TENT5C: variants seen among roughly 807,000 people sequenced by gnomAD.
TENT5C encodes the protein terminal nucleotidyltransferase 5C, also known as family with sequence similarity 46 member C.
Under a neutral mutation model 22.2 loss-of-function variants are expected in TENT5C, and 5 were observed. That is an observed-to-expected ratio of 0.22 (90% CI 0.12 to 0.47). The LOEUF (loss-of-function observed/expected upper bound fraction) is 0.47. Ranked by LOEUF, TENT5C falls within the 20% of genes least tolerant of loss-of-function variation. The pLI is 0.99. For synonymous variants in TENT5C, 199 were observed against 195.4 expected (o/e 1.02, Z -0.15); for missense variants, 364 against 500.9 (o/e 0.73, Z 2.61).
intron 1 of TENT5C, 135 bp from the exon 2 acceptor site, chr1:117,622,707 G>A: frequency 3.1e-6 from 2 of 640,536 alleles, no homozygotes; most frequent in East Asian, 2.8e-5. Flanking sequence ...GAGTCCTCAT[G>A]GCAACACTGA....
chr1:117,619,029 G>A lies in TENT5C; in HGVS notation c.-27-3813G>A, dbSNP rs536567155. Among the ~76,000 whole-genome samples the A allele has an allele frequency of 1.3e-4, 20 of 152,278 alleles. 1 individual carries two copies. In the South Asian group the frequency reaches 4.1e-3, roughly 32 times the overall value. ...CTCAAATCTGTAGGAACAACTGCAT[G>A]CGTTTCTGTATTGTTTTATACACAC... On this transcript the variant is annotated intron_variant, in intron 1 of 1. Transcript: ENST00000369448.
rs2101081413 is a variant in TENT5C, at chr1:117,625,256, G to A, written c.*1212G>A. 4.0e-6 allele frequency: 1 copy of A among 248,110 alleles called. No individual in the cohort carries two copies. Among genetic ancestry groups the A allele is most frequent in the Middle Eastern group, 1.3e-3 (1 of 788 alleles). The allele number at this position is 248,110 out of a possible 1,614,324, so 15.4% of individuals were successfully genotyped here. On this transcript the variant is annotated 3_prime_UTR_variant, in exon 2 of 2. Coordinates refer to ENST00000369448, the MANE Select transcript of TENT5C (RefSeq NM_017709.4). ...GCTCTGTGTGAAGGGGAAGCTGGGG[G>A]GTTAGCATGAAGTCTGGCCTTGTGT...
At chr1:117,612,584 G>A (rs1653693237) in intron 1 of TENT5C, among the ~76,000 whole-genome samples, 2 of 152,158 alleles carry the variant, frequency 1.3e-5, no homozygotes, top group Non-Finnish European at 2.9e-5. Context: ...CGCTAAACAT[G>A]AGCTGCTGCT....
At chr1:117,617,072 C>T (rs180761435) in intron 1 of TENT5C, among the ~76,000 whole-genome samples, 14 of 152,318 alleles carry the variant, frequency 9.2e-5, no homozygotes, top group Admixed American at 4.6e-4. Flanking sequence ...CTCACAGTTA[C>T]CTCCCCTCCA....
intron 1 of TENT5C, among the ~76,000 whole-genome samples, chr1:117,618,338 T>C (rs1157224366): frequency 6.6e-6 from 1 of 152,092 alleles, no homozygotes; most frequent in Non-Finnish European, 1.5e-5. Flanking sequence ...AAAAATTTCT[T>C]TTGGTTAACA....
At chr1:117,606,940 C>G (rs1345769867) in intron 1 of TENT5C, among the ~76,000 whole-genome samples, 1 of 152,184 alleles carries the variant, frequency 6.6e-6, no homozygotes, top group Non-Finnish European at 1.5e-5. Context: ...ATGAAACTTG[C>G]TTTACTGCGT....
chr1:117,611,022 C>T (rs886302892), intron 1 of TENT5C, among the ~76,000 whole-genome samples: 2 of 152,200 alleles, frequency 1.3e-5, no homozygotes, highest in Non-Finnish European at 2.9e-5. Flanking sequence ...ACTTGTTTAG[C>T]CCTTATGAAG....
At chr1:117,621,909 T>C (rs1236051403) in intron 1 of TENT5C, among the ~76,000 whole-genome samples, 1 of 152,232 alleles carries the variant, frequency 6.6e-6, no homozygotes, top group Non-Finnish European at 1.5e-5. Context: ...TGGGAAACTT[T>C]GTGGTCCTAG....
Position 117,625,612 on chromosome 1 carries a change from C to A in TENT5C, c.*1568C>A, listed in dbSNP as rs11580608. Reference sequence around the variant, plus strand: ...ATTTAATCAAATTCATGCTCCTGATCTTTTTTTTCCCCCTTCCTTTGGCTA... The same window carrying A: ...ATTTAATCAAATTCATGCTCCTGATATTTTTTTTCCCCCTTCCTTTGGCTA... On this transcript the variant is annotated 3_prime_UTR_variant, in exon 2 of 2. Coordinates refer to ENST00000369448, the MANE Select transcript of TENT5C (RefSeq NM_017709.4). 3 of 245,974 alleles carry A rather than the reference C, an allele frequency of 1.2e-5. No individual in the cohort carries two copies. The highest frequency in any genetic ancestry group is 2.2e-5 in the African/African-American group (1 of 45,172). 15.2% of individuals were successfully genotyped at this position (245,974 alleles called of 1,614,324 possible).
chr1:117,623,003 G>A lies in TENT5C; in HGVS notation c.135G>A (p.Glu45=). The A allele has an allele frequency of 6.2e-7, 1 of 1,614,234 alleles. No homozygotes were observed. The highest frequency in any genetic ancestry group is 1.1e-5 in the South Asian group (1 of 91,084). ...GACGAGGCAACTTTCCAACCTTGGA[G>A]ATAACTCTGAAGGACATCGTCCAGA... The part of the protein sequence containing the change: ...IHGRGNFPTL[E]ITLKDIVQTV... Residue 45 remains glutamate, a synonymous_variant, in exon 2 of 2, where the codon GAG becomes GAA. Coordinates refer to ENST00000369448, the MANE Select transcript of TENT5C (RefSeq NM_017709.4).
At chr1:117,608,079 T>TAA (rs35986908) in intron 1 of TENT5C, among the ~76,000 whole-genome samples, 1,965 of 141,234 alleles carry the variant, frequency 0.014, 46 homozygotes, top group East Asian at 0.069. Context: ...TAACAAAGTT[T>TAA]AAAAAAAAAA....
intron 1 of TENT5C, among the ~76,000 whole-genome samples, chr1:117,607,768 G>C (rs548627658): frequency 2.0e-5 from 3 of 152,196 alleles, no homozygotes; most frequent in Non-Finnish European, 4.4e-5. Context: ...GACCAGCCAC[G>C]TTAGGCCCTG....
rs370371675 is a variant in TENT5C at position 117,623,495 on chromosome 1, C to A, written c.627C>A (p.Thr209=). 6.2e-7 allele frequency: 1 copy of A among 1,613,914 alleles called. No homozygotes were observed. The highest frequency in any genetic ancestry group is 8.5e-7 in the Non-Finnish European group (1 of 1,180,018). ...CCATCTCTGAGCACTTCCACCCCACCGTGATTGGGGAGAGCATGTACGGGG... is the reference window on the plus strand; with the variant it reads ...CCATCTCTGAGCACTTCCACCCCACAGTGATTGGGGAGAGCATGTACGGGG... ...NNPISEHFHP[T]VIGESMYGDF... Residue 209 remains threonine (T), a synonymous_variant, in exon 2 of 2, where the codon ACC becomes ACA. Transcript: ENST00000369448.
At chr1:117,616,514 G>A (rs1375292644) in intron 1 of TENT5C, among the ~76,000 whole-genome samples, 1 of 152,212 alleles carries the variant, frequency 6.6e-6, no homozygotes, top group Non-Finnish European at 1.5e-5. Flanking sequence ...TGTGGGAAGA[G>A]CCACAGGTGC....
intron 1 of TENT5C, among the ~76,000 whole-genome samples, chr1:117,608,948 G>C (rs1297128208): frequency 1.3e-5 from 2 of 152,150 alleles, no homozygotes; most frequent in Non-Finnish European, 2.9e-5. Context: ...AGGTTACTTG[G>C]AATAAAACAT....
chr1:117,623,697 G>T lies in TENT5C; in HGVS notation c.829G>T (p.Asp277Tyr). 6.2e-7 allele frequency: 1 copy of T among 1,614,062 alleles called. No homozygotes were observed. Among genetic ancestry groups the T allele is most frequent in the Non-Finnish European group, 8.5e-7 (1 of 1,180,016 alleles). ...ERYMCSRFFIDFPDILEQQRK... is the reference protein window; with the variant it reads ...ERYMCSRFFIYFPDILEQQRK... ...CTACATGTGCTCCAGGTTCTTCATC[G>T]ACTTCCCGGACATCCTTGAACAGCA... Residue 277 changes from aspartate (D) to tyrosine (Y), a missense_variant, in exon 2 of 2, where the codon GAC becomes TAC. This residue lies in a region of TENT5C where 303 missense variants were observed against 394.5 expected (regional missense o/e 0.77). Coordinates refer to ENST00000369448, the MANE Select transcript of TENT5C (RefSeq NM_017709.4).
At position 117,624,030 on chromosome 1, in the gene TENT5C, C is replaced by A; in HGVS notation, c.1162C>A (p.Leu388Met). 1 of 1,612,478 alleles carries A rather than the reference C, an allele frequency of 6.2e-7. No homozygotes were observed. Among genetic ancestry groups the A allele is most frequent in the Non-Finnish European group, 8.5e-7 (1 of 1,179,136 alleles). The change falls in exon 2 of 2, where the codon CTG becomes ATG. Residue 388 changes from leucine (L) to methionine (M), a missense_variant. By Grantham distance (15) the Leu-to-Met change is conservative (BLOSUM62 2). Coordinates refer to ENST00000369448, the MANE Select transcript of TENT5C (RefSeq NM_017709.4). ...CTACAGCCAGCCTTACCCTACCTGG[C>A]TGCCCTGTAACTAACCTTGAGACCT... ...VTYSQPYPTWLPCN is the reference protein window; with the variant it reads ...VTYSQPYPTWMPCN
intron 1 of TENT5C, among the ~76,000 whole-genome samples, chr1:117,617,924 A>G (rs751284108): frequency 5.1e-4 from 78 of 152,244 alleles, no homozygotes; most frequent in Non-Finnish European, 1.6e-4. Context: ...GTGAGGGACA[A>G]TGAAGAATCC....
rs1653982000 is a variant in TENT5C at position 117,625,232 on chromosome 1, C to T, written c.*1188C>T. On this transcript the variant is annotated 3_prime_UTR_variant, in exon 2 of 2. Transcript: ENST00000369448. ...TAGAATCTAACCTGCTGTCTTCGTG[C>T]TCTGTGTGAAGGGGAAGCTGGGGGG... 1.2e-5 allele frequency: 3 copies of T among 247,956 alleles called. No individual in the cohort carries two copies. The highest frequency in any genetic ancestry group is 2.5e-5 in the Non-Finnish European group (3 of 118,088). The allele number at this position is 247,956 out of a possible 1,614,324, so 15.4% of individuals were successfully genotyped here. A position where few individuals can be genotyped will look rare whatever the true frequency, so the allele number is the denominator to read the frequency against.
Sources: gnomAD v4.1 joint callset for allele counts (sites outside exome capture counted in the v4.1 genomes callset) on GRCh38, gnomAD v4.1.1 for gene constraint, gnomAD v4.1.1 regional missense constraint, MANE v1.5 for transcripts, NCBI Gene and HGNC (gene_info 2026-07-23, HGNC 2026-07-21) for gene names.